OGFOD3: variants seen among roughly 807,000 people sequenced by gnomAD.
OGFOD3 encodes 2-oxoglutarate and iron dependent oxygenase domain containing 3.
A neutral mutation model predicts 39.8 loss-of-function variants in OGFOD3; 35 were observed. The ratio of observed to expected loss-of-function variants is 0.88; its 90% CI spans 0.67 to 1.17. The LOEUF is 1.17. Ranked by LOEUF, OGFOD3 falls within the 50% of genes most tolerant of loss-of-function variation. The pLI is 0.00. For synonymous variants in OGFOD3, 200 were observed against 192.0 expected (o/e 1.04, Z -0.34); for missense variants, 438 against 454.5 (o/e 0.96, Z 0.33).
intron 4 of OGFOD3, 138 bp downstream of exon 4, chr17:82,409,230 T>G: frequency 7.5e-6 from 6 of 799,116 alleles, no homozygotes; most frequent in Middle Eastern, 3.6e-4. Context: ...CGGCTGGTGC[T>G]GAGAAACACC....
At chr17:82,408,598 C>G (rs959152261) in intron 4 of OGFOD3, among the ~76,000 whole-genome samples, 3 of 152,078 alleles carry the variant, frequency 2.0e-5, no homozygotes, top group Admixed American at 6.5e-5. Context: ...TGGGAGGGGC[C>G]CTGCTCCCTC....
intron 2 of OGFOD3, among the ~76,000 whole-genome samples, chr17:82,413,315 G>GCAGCAGA (rs1486733020): frequency 6.6e-6 from 1 of 152,148 alleles, no homozygotes; most frequent in African/African-American, 2.4e-5. Flanking sequence ...AGGGGAAGGG[G>GCAGCAGA]CAGCAGACAG....
intron 6 of OGFOD3, 54 bp downstream of exon 6, chr17:82,405,270 C>T: frequency 6.5e-7 from 1 of 1,528,304 alleles, no homozygotes; most frequent in Non-Finnish European, 9.1e-7. Flanking sequence ...TGCCACACCC[C>T]TCAGCCCCAG....
intron 1 of OGFOD3, chr17:82,417,292 C>A (rs1468486271): frequency 1.3e-5 from 2 of 152,150 alleles, no homozygotes; most frequent in Non-Finnish European, 2.9e-5. Flanking sequence ...TGGTATACAA[C>A]CCCCCACAAC....
chr17:82,403,684 C>G (rs2052801683), intron 7 of OGFOD3, among the ~76,000 whole-genome samples: 1 of 152,200 alleles, frequency 6.6e-6, no homozygotes, highest in South Asian at 2.1e-4. Flanking sequence ...CAAAAGACAG[C>G]CCTGTGGTAG....
intron 2 of OGFOD3, among the ~76,000 whole-genome samples, chr17:82,413,827 G>A (rs1266913501): frequency 6.9e-6 from 1 of 144,970 alleles, no homozygotes; most frequent in Non-Finnish European, 1.5e-5. Context: ...AGTGAGCCGA[G>A]ATCATGCCAC....
intron 8 of OGFOD3, chr17:82,394,534 C>A: frequency 2.5e-6 from 4 of 1,609,976 alleles, no homozygotes. Context: ...CATCCGGAAA[C>A]AAAAACATCC....
chr17:82,393,175 G>A (rs2052619610), intron 8 of OGFOD3: 1 of 152,378 alleles, frequency 6.6e-6, no homozygotes, highest in Non-Finnish European at 1.5e-5. Flanking sequence ...CCCCACCGTA[G>A]AGTCCTGTGG....
chr17:82,400,627 C>T (rs552797402), intron 7 of OGFOD3: 2 of 152,236 alleles, frequency 1.3e-5, no homozygotes, highest in South Asian at 2.1e-4. Context: ...GAGGGGGTTA[C>T]TGGTTCGCCT....
Position 82,403,961 on chromosome 17 carries a change from CTCG to C in OGFOD3, c.672_674del (p.Asp224del), listed in dbSNP as rs758963690. On this transcript the variant is annotated inframe_deletion, in exon 7 of 9. Transcript: ENST00000313056. ...CCTTGTCCACGTGCGCATGCCAGTA[CTCG>C]TCGTGCGCCGTCCGCGCTTCCGTGC... is the stretch of plus-strand genomic sequence containing the variant. 3.1e-6 allele frequency: 5 copies of C among 1,607,306 alleles called. No individual in the cohort carries two copies. The African/African-American group carries it at 4.0e-5, about 13-fold the overall frequency.
chr17:82,397,688 G>GCTGGGGCT (rs1356729674), intron 8 of OGFOD3, among the ~76,000 whole-genome samples: 1 of 152,134 alleles, frequency 6.6e-6, no homozygotes, highest in Non-Finnish European at 1.5e-5. Context: ...GCTGGGCATG[G>GCTGGGGCT]CTGGGGCTCT....
At chr17:82,409,286 T>G (rs2052906402) in intron 4 of OGFOD3, 82 bp downstream of exon 4, 4 of 1,434,102 alleles carry the variant, frequency 2.8e-6, no homozygotes, top group African/African-American at 1.4e-5. Context: ...GAACCCTGCA[T>G]GTCTGTGCCT....
At chr17:82,405,102 C>G (rs1424904800) in intron 6 of OGFOD3, among the ~76,000 whole-genome samples, 2 of 152,230 alleles carry the variant, frequency 1.3e-5, no homozygotes, top group Admixed American at 6.5e-5. Context: ...AGGTTCTGAC[C>G]AGGATGCAGC....
At chr17:82,417,936 C>T (rs2053095700) in intron 1 of OGFOD3, among the ~76,000 whole-genome samples, 1 of 152,166 alleles carries the variant, frequency 6.6e-6, no homozygotes, top group African/African-American at 2.4e-5. Context: ...AATGATCACC[C>T]GTAACATTTT....
chr17:82,418,558 C>T lies in OGFOD3; in HGVS notation c.-73G>A. On this transcript the variant is annotated 5_prime_UTR_variant, in exon 1 of 9. Coordinates refer to ENST00000313056, the MANE Select transcript of OGFOD3 (RefSeq NM_024648.3). ...GGGACGAACGCCGTAACAGGGAGCG[C>T]GAGGCAGGCACGGCGCAGGGACGCG... 1.2e-6 allele frequency: 1 copy of T among 839,910 alleles called. No individual in the cohort carries two copies. The highest frequency in any genetic ancestry group is 1.6e-6 in the Non-Finnish European group (1 of 621,774). 52.0% of individuals were successfully genotyped at this position (839,910 alleles called of 1,614,324 possible). A position where few individuals can be genotyped will look rare whatever the true frequency, so the allele number is the denominator to read the frequency against.
At chr17:82,409,510 T>C in intron 3 of OGFOD3, 100 bp from the exon 4 acceptor site, 1 of 1,065,148 alleles carries the variant, frequency 9.4e-7, no homozygotes. Flanking sequence ...CATTAGTGGG[T>C]CCTGCGTGTT....
intron 5 of OGFOD3, among the ~76,000 whole-genome samples, chr17:82,405,604 C>T (rs2052843118): frequency 6.6e-6 from 1 of 152,230 alleles, no homozygotes; most frequent in Admixed American, 6.5e-5. Context: ...CACCTGAGGT[C>T]AGGAATTCGA....
intron 1 of OGFOD3, chr17:82,417,103 T>C (rs1479521834): frequency 6.6e-6 from 1 of 152,226 alleles, no homozygotes; most frequent in Non-Finnish European, 1.5e-5. Context: ...ATATTACTAT[T>C]GAAGGAAATA....
rs114397392 is a variant in OGFOD3, at chr17:82,395,480, C to T, written c.823+2716G>A. Among the ~76,000 whole-genome samples the T allele has an allele frequency of 4.7e-3, 719 of 152,332 alleles. 5 individuals carry two copies. Among genetic ancestry groups the T allele is most frequent in the African/African-American group, 0.017 (689 of 41,570 alleles). ...CCCGAACACAGGACTCTGCCTTCCT[C>T]GATAAAGTTGCCCTACAAAGAAAAC... On this transcript the variant is annotated intron_variant, in intron 8 of 8. Transcript: ENST00000313056.
Sources: allele counts gnomAD v4.1 joint callset (sites outside exome capture counted in the v4.1 genomes callset), GRCh38; gene constraint gnomAD v4.1.1; transcripts MANE v1.5; gene names NCBI Gene and HGNC (gene_info 2026-07-23, HGNC 2026-07-21).